Variants in CHRM4 observed in about 807,000 individuals in gnomAD.
CHRM4 encodes muscarinic acetylcholine receptor M4.
CHRM4 carries 5 observed loss-of-function variants against 26.3 expected under a neutral mutation model. The ratio of observed to expected loss-of-function variants is 0.19; its 90% confidence interval spans 0.10 to 0.40. The LOEUF (loss-of-function observed/expected upper bound fraction) is 0.40, where lower values mean the gene tolerates loss of function less well. CHRM4 is among the 10% of genes least tolerant of loss of function. The pLI, the probability that CHRM4 is intolerant of heterozygous loss-of-function variation, is 1.00. For synonymous variants in CHRM4, 290 were observed against 285.3 expected (o/e 1.02, Z -0.16); for missense variants, 402 against 664.5 (o/e 0.60, Z 4.34).
At position 46,385,444 on chromosome 11, in the gene CHRM4, T is replaced by G; in HGVS notation, c.1114A>C (p.Asn372His). Residue 372 changes from asparagine to histidine, a missense_variant, in exon 2 of 2, where the codon AAC (asparagine) becomes CAC (histidine). Transcript: ENST00000682254. This position sits in a 1 kb window ranked among gnomAD's most constrained non-coding sequence, Gnocchi z 6.3. ...ATPAGMRPAANVARKFASIAR... is the reference protein window; with the variant it reads ...ATPAGMRPAAHVARKFASIAR... The stretch of plus-strand genomic sequence containing the variant: ...ATGCTGGCGAACTTGCGGGCCACGT[T>G]GGCCGCAGGGCGCATGCCAGCCGGC... 1.2e-6 allele frequency: 2 copies of G among 1,607,546 alleles called. No individual in the cohort carries two copies. Among genetic ancestry groups the G allele is most frequent in the Non-Finnish European group, 1.7e-6 (2 of 1,174,832 alleles).
Position 46,386,952 on chromosome 11 carries a change from G to T in CHRM4, c.-29-366C>A, listed in dbSNP as rs1177024214. 6.6e-6 allele frequency among the ~76,000 whole-genome samples: 1 copy of T among 152,226 alleles called. No homozygotes were observed. The highest frequency in any genetic ancestry group is 2.4e-5 in the African/African-American group (1 of 41,446). On this transcript the variant is annotated intron_variant, in intron 1 of 1. Coordinates refer to ENST00000682254, the MANE Select transcript of CHRM4 (RefSeq NM_000741.5). This position sits in a 1 kb window ranked among gnomAD's most constrained non-coding sequence, Gnocchi z 5.8. ...GTGGCCTCACCCACCAGGTCATCTGGGTGATGAGGAGCCAGCCACAGGAGG... is the reference window on the plus strand; with the variant it reads ...GTGGCCTCACCCACCAGGTCATCTGTGTGATGAGGAGCCAGCCACAGGAGG...
At position 46,391,701 on chromosome 11, in the gene CHRM4, C is replaced by T. The variant is rs1156505757; in HGVS notation, c.-200G>A. Reference sequence around the variant, plus strand: ...CCCGCGGGCCGGCGGGGCGGGCGGCCGGGCCGAGGGCCGGGGGCGGGGACG... The same window carrying T: ...CCCGCGGGCCGGCGGGGCGGGCGGCTGGGCCGAGGGCCGGGGGCGGGGACG... On this transcript the variant is annotated 5_prime_UTR_variant, in exon 1 of 2. Transcript: ENST00000682254. The surrounding 1 kb of genome is among the most constrained non-coding windows in gnomAD (Gnocchi z 6.3). 6.7e-6 allele frequency among the ~76,000 whole-genome samples: 1 copy of T among 148,658 alleles called. No homozygotes were observed.
At chr11:46,390,234 G>C (rs917068639) in intron 1 of CHRM4, among the ~76,000 whole-genome samples, 2 of 152,180 alleles carry the variant, frequency 1.3e-5, no homozygotes, top group Non-Finnish European at 2.9e-5. Context: ...GGGCGAGGAG[G>C]CCAGACTACT....
intron 1 of CHRM4, among the ~76,000 whole-genome samples, chr11:46,389,518 G>T (rs1311909852): frequency 1.3e-5 from 2 of 152,226 alleles, no homozygotes; most frequent in African/African-American, 2.4e-5. Flanking sequence ...ATCCAGATAC[G>T]CCTGGCATCT....
intron 1 of CHRM4, among the ~76,000 whole-genome samples, chr11:46,388,157 C>A (rs1393890065): frequency 6.6e-6 from 1 of 152,178 alleles, no homozygotes; most frequent in African/African-American, 2.4e-5. Context: ...TCCACAGACG[C>A]ACGCGGGCCC....
In CHRM4 at chr11:46,384,782, G is replaced by A. The variant is rs140392370; in HGVS notation, c.*336C>T. Among the ~76,000 whole-genome samples the A allele has an allele frequency of 6.6e-6, 1 of 152,344 alleles. No homozygotes were observed. Among genetic ancestry groups the A allele is most frequent in the East Asian group, 1.9e-4 (1 of 5,184 alleles). On this transcript the variant is annotated 3_prime_UTR_variant, in exon 2 of 2. Coordinates refer to ENST00000682254, the MANE Select transcript of CHRM4 (RefSeq NM_000741.5). ...TTTGTTCTTCCTGAGGGGGCCCTGG[G>A]CTTCGGCCCCCATCCAGATGTCCAT...
At chr11:46,390,358 C>T (rs1945380509) in intron 1 of CHRM4, among the ~76,000 whole-genome samples, 1 of 152,218 alleles carries the variant, frequency 6.6e-6, no homozygotes, top group Non-Finnish European at 1.5e-5. Flanking sequence ...TGACATCTGT[C>T]GAGGGGCCTC....
In CHRM4 at chr11:46,391,324, C is replaced by T. The variant is rs1945390125; in HGVS notation, c.-30+207G>A. Among the ~76,000 whole-genome samples the T allele has an allele frequency of 6.6e-6, 1 of 152,102 alleles. No homozygotes were observed. Among genetic ancestry groups the T allele is most frequent in the Non-Finnish European group, 1.5e-5 (1 of 67,980 alleles). On this transcript the variant is annotated intron_variant, in intron 1 of 1. Transcript: ENST00000682254. This position sits in a 1 kb window ranked among gnomAD's most constrained non-coding sequence, Gnocchi z 6.3. ...TCCCACCCCCGACGGCTGCCCCTGGCTCCGTGGGGTCTGTGGGCGGGCAAT... is the reference window on the plus strand; with the variant it reads ...TCCCACCCCCGACGGCTGCCCCTGGTTCCGTGGGGTCTGTGGGCGGGCAAT...
rs1945326331 is a variant in CHRM4, at chr11:46,385,472, G to A, written c.1086C>T (p.Ala362=). ...ECVTAIEIVP[A]TPAGMRPAAN... is the part of the protein sequence containing the mutation. ...CCGCAGGGCGCATGCCAGCCGGCGT[G>A]GCAGGCACAATCTCAATGGCTGTCA... The change falls in exon 2 of 2, where the codon GCC becomes GCT. Residue 362 remains alanine, a synonymous_variant. Transcript: ENST00000682254. The surrounding 1 kb of genome is among the most constrained non-coding windows in gnomAD (Gnocchi z 6.3). 1 of 1,600,240 alleles carries A rather than the reference G, an allele frequency of 6.2e-7. No individual in the cohort carries two copies. Among genetic ancestry groups the A allele is most frequent in the Admixed American group, 1.7e-5 (1 of 59,720 alleles).
Position 46,385,401 on chromosome 11 carries a change from C to T in CHRM4, c.1157G>A (p.Arg386His), listed in dbSNP as rs201099319. 11 of 1,610,078 alleles carry T rather than the reference C, an allele frequency of 6.8e-6. No individual in the cohort carries two copies. The highest frequency in any genetic ancestry group is 1.3e-5 in the African/African-American group (1 of 75,010). Residue 386 changes from arginine (R) to histidine (H), a missense_variant, in exon 2 of 2, where the codon CGC becomes CAC. Coordinates refer to ENST00000682254, the MANE Select transcript of CHRM4 (RefSeq NM_000741.5). This position sits in a 1 kb window ranked among gnomAD's most constrained non-coding sequence, Gnocchi z 6.3. ...KFASIARNQV[R>H]KKRQMAARER... ...CCGGGCCGCCATCTGCCGCTTCTTG[C>T]GCACCTGGTTGCGAGCGATGCTGGC...
At position 46,386,683 on chromosome 11, in the gene CHRM4, T is replaced by C. The variant is rs1945344683; in HGVS notation, c.-29-97A>G. The stretch of plus-strand genomic sequence containing the variant: ...TTCAAGGTGACAGAGGGACATTCTC[T>C]GGCAGAATGCCTTGAGAGAACTCTG... On this transcript the variant is annotated intron_variant, in intron 1 of 1. Transcript: ENST00000682254. The surrounding 1 kb of genome is among the most constrained non-coding windows in gnomAD (Gnocchi z 5.8). 3.3e-6 allele frequency: 4 copies of C among 1,217,212 alleles called. No individual in the cohort carries two copies. Among genetic ancestry groups the C allele is most frequent in the Admixed American group, 4.9e-5 (2 of 40,820 alleles). The allele number at this position is 1,217,212 out of a possible 1,614,324, so 75.4% of individuals were successfully genotyped here.
chr11:46,388,520 C>A (rs537726841), intron 1 of CHRM4, among the ~76,000 whole-genome samples: 1 of 152,370 alleles, frequency 6.6e-6, no homozygotes, highest in Non-Finnish European at 1.5e-5. Flanking sequence ...CAGATACAGA[C>A]CCAGCCTCCT....
In CHRM4 at chr11:46,384,323, T is replaced by A. The variant is rs1945309040; in HGVS notation, c.*795A>T. Among the ~76,000 whole-genome samples the A allele has an allele frequency of 6.6e-6, 1 of 152,202 alleles. No homozygotes were observed. The highest frequency in any genetic ancestry group is 2.4e-5 in the African/African-American group (1 of 41,442). On this transcript the variant is annotated 3_prime_UTR_variant, in exon 2 of 2. Transcript: ENST00000682254. Reference sequence around the variant, plus strand: ...CTGCAGAAGCCAGGGGGTGAGAGGTTTGAAGAGGGCAGATGGGAATGCCAT... The same window carrying A: ...CTGCAGAAGCCAGGGGGTGAGAGGTATGAAGAGGGCAGATGGGAATGCCAT...
In CHRM4 at chr11:46,385,124, G is replaced by C. The variant is rs1945321102; in HGVS notation, c.1434C>G (p.Ala478=). 7.5e-6 allele frequency: 12 copies of C among 1,605,860 alleles called. No individual in the cohort carries two copies. The South Asian group carries it at 1.3e-4, about 18-fold the overall frequency. Residue 478 remains alanine, a synonymous_variant, in exon 2 of 2, where the codon GCC becomes GCG. Coordinates refer to ENST00000682254, the MANE Select transcript of CHRM4 (RefSeq NM_000741.5). This position sits in a 1 kb window ranked among gnomAD's most constrained non-coding sequence, Gnocchi z 6.3. Reference sequence around the variant, plus strand: ...CTAGGGCACTCCTGCCTGCCTACCTGGCAGTGCCGATGTTCCGATACTGGC... The same window carrying C: ...CTAGGGCACTCCTGCCTGCCTACCTCGCAGTGCCGATGTTCCGATACTGGC... ...LLCQYRNIGT[A]R
In CHRM4 at chr11:46,385,162, G is replaced by T; in HGVS notation, c.1396C>A (p.His466Asn). 2 of 1,613,572 alleles carry T rather than the reference G, an allele frequency of 1.2e-6. No homozygotes were observed. Among genetic ancestry groups the T allele is most frequent in the Non-Finnish European group, 1.7e-6 (2 of 1,179,596 alleles). ...TTCCGATACTGGCACAGCAGCAGGT[G>T]CCGGAAGGTCTTTTTAAAGGTGGCG... ...CNATFKKTFR[H>N]LLLCQYRNIG... Residue 466 changes from histidine to asparagine, a missense_variant, in exon 2 of 2, where the codon CAC becomes AAC. Physicochemically the swap from His to Asn is moderately conservative, Grantham distance 68. Transcript: ENST00000682254. The surrounding 1 kb of genome is among the most constrained non-coding windows in gnomAD (Gnocchi z 6.3).
chr11:46,387,060 TG>T lies in CHRM4; in HGVS notation c.-29-475del, dbSNP rs544975919. Among the ~76,000 whole-genome samples, 6 of 143,480 alleles carry T rather than the reference TG, an allele frequency of 4.2e-5. No homozygotes were observed. The South Asian group carries it at 1.3e-3, about 31-fold the overall frequency. 94.1% of individuals were successfully genotyped at this position (143,480 alleles called of 152,430 possible). On this transcript the variant is annotated intron_variant, in intron 1 of 1. Coordinates refer to ENST00000682254, the MANE Select transcript of CHRM4 (RefSeq NM_000741.5). ...GCAAGGCCTGGACAGAGGCCAGTGC[TG>T]GGGGAGCTCAGGGAAGCAAGAGGAG...
At position 46,385,838 on chromosome 11, in the gene CHRM4, C is replaced by T. The variant is rs1318585343; in HGVS notation, c.720G>A (p.Lys240=). 5 of 1,603,870 alleles carry T rather than the reference C, an allele frequency of 3.1e-6. No individual in the cohort carries two copies. The highest frequency in any genetic ancestry group is 2.2e-5 in the South Asian group (2 of 89,928). Residue 240 remains lysine (K), a synonymous_variant, in exon 2 of 2, where the codon AAG becomes AAA. Transcript: ENST00000682254. This position sits in a 1 kb window ranked among gnomAD's most constrained non-coding sequence, Gnocchi z 6.3. ...GTGGGCTCTTGAGGAAGGCCAGCGT[C>T]TTGGCTTTCTTCTCCTTCGGGCCCT... The part of the protein sequence containing the change: ...RPEGPKEKKA[K]TLAFLKSPLM...
Position 46,384,314 on chromosome 11 carries a change from G to A in CHRM4, c.*804C>T, listed in dbSNP as rs1408759278. Among the ~76,000 whole-genome samples the A allele has an allele frequency of 6.6e-6, 1 of 152,238 alleles. No individual in the cohort carries two copies. The highest frequency in any genetic ancestry group is 1.5e-5 in the Non-Finnish European group (1 of 68,042). On this transcript the variant is annotated 3_prime_UTR_variant, in exon 2 of 2. Coordinates refer to ENST00000682254, the MANE Select transcript of CHRM4 (RefSeq NM_000741.5). Reference sequence around the variant, plus strand: ...GCCTCCACCCTGCAGAAGCCAGGGGGTGAGAGGTTTGAAGAGGGCAGATGG... The same window carrying A: ...GCCTCCACCCTGCAGAAGCCAGGGGATGAGAGGTTTGAAGAGGGCAGATGG...
rs1945387772 is a variant in CHRM4 at position 46,391,122 on chromosome 11, T to A, written c.-30+409A>T. Among the ~76,000 whole-genome samples the A allele has an allele frequency of 1.3e-5, 2 of 151,658 alleles. No individual in the cohort carries two copies. The highest frequency in any genetic ancestry group is 4.2e-4 in the South Asian group (2 of 4,804). On this transcript the variant is annotated intron_variant, in intron 1 of 1. Coordinates refer to ENST00000682254, the MANE Select transcript of CHRM4 (RefSeq NM_000741.5). The surrounding 1 kb of genome is among the most constrained non-coding windows in gnomAD (Gnocchi z 6.3). Reference sequence around the variant, plus strand: ...GGGGTGTCGGGGAGGGCAGGGGTGTTTTCCGTCGGGGCTCAAGGTCGTAGA... The same window carrying A: ...GGGGTGTCGGGGAGGGCAGGGGTGTATTCCGTCGGGGCTCAAGGTCGTAGA...
Sources: allele counts gnomAD v4.1 joint callset (sites outside exome capture counted in the v4.1 genomes callset), GRCh38; gene constraint gnomAD v4.1.1; non-coding constraint Gnocchi (gnomAD v3.1); transcripts MANE v1.5; gene names NCBI Gene and HGNC (gene_info 2026-07-23, HGNC 2026-07-21).